MLLT3: variants seen among roughly 807,000 people sequenced by gnomAD.
MLLT3 encodes the protein protein AF-9.
MLLT3 carries 4 observed loss-of-function variants against 53.2 expected under a neutral mutation model. The observed-to-expected ratio is 0.08, with a 90% CI of 0.04 to 0.17. MLLT3 has a LOEUF of 0.17. Among genes scored for constraint, MLLT3 ranks in the 10% least tolerant of loss-of-function variants. The probability of loss-of-function intolerance (pLI) is 1.00; values close to 1 mark genes in which losing one functional copy is unlikely to be tolerated. For missense variants in MLLT3, 569 were observed against 684.0 expected, an observed-to-expected ratio of 0.83 and a Z score of 1.87; for synonymous variants, 283 against 230.6, an observed-to-expected ratio of 1.23 and a Z score of -2.06.
chr9:20,426,902 C>T (rs910010512), intron 4 of MLLT3, among the ~76,000 whole-genome samples: 2 of 152,108 alleles, frequency 1.3e-5, no homozygotes. Flanking sequence ...TAAGGACACA[C>T]GCATGACTGT....
In MLLT3 at chr9:20,347,748, T is replaced by C. The variant is rs142944923; in HGVS notation, c.1576-1174A>G. Among the ~76,000 whole-genome samples the C allele has an allele frequency of 7.0e-3, 1,066 of 152,318 alleles. 9 individuals are homozygous for C. The highest frequency in any genetic ancestry group is 0.024 in the African/African-American group (1,010 of 41,556). Reference sequence around the variant, plus strand: ...AGTAAACAGCTGACAAACTTCTACCTGATTTGAGTTGTCTGTTATTCTCTT... The same window carrying C: ...AGTAAACAGCTGACAAACTTCTACCCGATTTGAGTTGTCTGTTATTCTCTT... On this transcript the variant is annotated intron_variant, in intron 10 of 10. Transcript: ENST00000380338.
intron 2 of MLLT3, among the ~76,000 whole-genome samples, chr9:20,477,096 G>T (rs1024672200): frequency 1.3e-5 from 2 of 152,270 alleles, no homozygotes; most frequent in African/African-American, 4.8e-5. Flanking sequence ...CTGGGGCCCA[G>T]TGGGATGAAT....
chr9:20,546,168 A>T (rs1200530104), intron 2 of MLLT3, among the ~76,000 whole-genome samples: 1 of 152,250 alleles, frequency 6.6e-6, no homozygotes, highest in African/African-American at 2.4e-5. Context: ...ACAGGAACGT[A>T]GGAGTTTATC....
intron 4 of MLLT3, among the ~76,000 whole-genome samples, chr9:20,415,021 T>C (rs1368120658): frequency 4.6e-5 from 7 of 152,056 alleles, no homozygotes; most frequent in Non-Finnish European, 8.8e-5. Flanking sequence ...TAGAACAAGA[T>C]TGAGAAGGAG....
chr9:20,406,521 T>C (rs1586924894), intron 5 of MLLT3, among the ~76,000 whole-genome samples: 1 of 152,104 alleles, frequency 6.6e-6, no homozygotes, highest in South Asian at 2.1e-4. Flanking sequence ...CTTAAAAAAA[T>C]AGGAGTGTCA....
chr9:20,430,693 G>C (rs1360332172), intron 4 of MLLT3, among the ~76,000 whole-genome samples: 1 of 151,876 alleles, frequency 6.6e-6, no homozygotes, highest in Non-Finnish European at 1.5e-5. Context: ...TATGACCTTG[G>C]TATAGGAGAA....
intron 3 of MLLT3, among the ~76,000 whole-genome samples, chr9:20,453,111 G>A (rs140310860): frequency 6.6e-6 from 1 of 152,078 alleles, no homozygotes; most frequent in Admixed American, 6.5e-5. Flanking sequence ...TGGTTTCTAA[G>A]ACATCCTAAG....
At chr9:20,580,249 AG>A (rs2131173499) in intron 2 of MLLT3, among the ~76,000 whole-genome samples, 1 of 152,318 alleles carries the variant, frequency 6.6e-6, no homozygotes, top group South Asian at 2.1e-4. Flanking sequence ...CAAAACAGAA[AG>A]GTTAAATCCC....
intron 2 of MLLT3, among the ~76,000 whole-genome samples, chr9:20,470,019 C>T (rs1361235027): frequency 6.6e-6 from 1 of 151,824 alleles, no homozygotes; most frequent in Admixed American, 6.6e-5. Context: ...CTATTATAGT[C>T]TAATTTATTT....
At chr9:20,563,153 C>T (rs1819259638) in intron 2 of MLLT3, among the ~76,000 whole-genome samples, 1 of 152,082 alleles carries the variant, frequency 6.6e-6, no homozygotes, top group Admixed American at 6.6e-5. Context: ...AAAATTTATC[C>T]CTGAAGCTCT....
In MLLT3 at chr9:20,622,418, G is replaced by C. The variant is rs1411623064; in HGVS notation, c.-162C>G. On this transcript the variant is annotated 5_prime_UTR_variant, in exon 1 of 11. Coordinates refer to ENST00000380338, the MANE Select transcript of MLLT3 (RefSeq NM_004529.4). Reference sequence around the variant, plus strand: ...TGCCTTTTTCCCCCCGCGCTCGCTTGCTCGCTCGCTCGCTTATTAAACTCA... The same window carrying C: ...TGCCTTTTTCCCCCCGCGCTCGCTTCCTCGCTCGCTCGCTTATTAAACTCA... 1 of 616,286 alleles carries C rather than the reference G, an allele frequency of 1.6e-6. No individual in the cohort carries two copies. The allele number at this position is 616,286 out of a possible 1,614,324, so 38.2% of individuals were successfully genotyped here.
At chr9:20,374,439 G>C (rs1370345133) in intron 5 of MLLT3, among the ~76,000 whole-genome samples, 1 of 152,188 alleles carries the variant, frequency 6.6e-6, no homozygotes, top group Non-Finnish European at 1.5e-5. Flanking sequence ...CTTTCCATTA[G>C]ATGAGTGAAA....
chr9:20,518,108 G>C (rs1817961858), intron 2 of MLLT3, among the ~76,000 whole-genome samples: 1 of 152,184 alleles, frequency 6.6e-6, no homozygotes. Context: ...GGGAGGTGGA[G>C]GCAGAGGCAG....
At chr9:20,533,637 C>G (rs1489721390) in intron 2 of MLLT3, among the ~76,000 whole-genome samples, 1 of 152,094 alleles carries the variant, frequency 6.6e-6, no homozygotes, top group Non-Finnish European at 1.5e-5. Context: ...CTCACAATAG[C>G]CAAGATATGA....
At chr9:20,555,602 C>T (rs1819038156) in intron 2 of MLLT3, among the ~76,000 whole-genome samples, 1 of 152,186 alleles carries the variant, frequency 6.6e-6, no homozygotes, top group Non-Finnish European at 1.5e-5. Context: ...TCTCCATCTT[C>T]AACTTCCTTG....
intron 2 of MLLT3, among the ~76,000 whole-genome samples, chr9:20,509,802 T>A (rs993921129): frequency 6.6e-6 from 1 of 152,106 alleles, no homozygotes; most frequent in African/African-American, 2.4e-5. Context: ...TCCTGCCAAA[T>A]GATTAACTAA....
chr9:20,481,337 T>C (rs1430054451), intron 2 of MLLT3, among the ~76,000 whole-genome samples: 1 of 152,146 alleles, frequency 6.6e-6, no homozygotes, highest in Non-Finnish European at 1.5e-5. Flanking sequence ...GGAGCAAACA[T>C]TTTCCTATTT....
At chr9:20,347,767 T>C (rs1424907468) in intron 10 of MLLT3, among the ~76,000 whole-genome samples, 1 of 152,200 alleles carries the variant, frequency 6.6e-6, no homozygotes, top group Non-Finnish European at 1.5e-5. Context: ...TTGTCTGTTA[T>C]TCTCTTTCTA....
chr9:20,342,063 A>G lies in MLLT3; in HGVS notation c.*4380T>C, dbSNP rs1321092044. ...ATTGTCCTCTCTCTGGATGTCTCAG[A>G]TCTCCCCATCTATTCTTCTTTAGAA... On this transcript the variant is annotated 3_prime_UTR_variant, in exon 11 of 11. Coordinates refer to ENST00000380338, the MANE Select transcript of MLLT3 (RefSeq NM_004529.4). 1 of 211,164 alleles carries G rather than the reference A, an allele frequency of 4.7e-6. No homozygotes were observed. Among genetic ancestry groups the G allele is most frequent in the Non-Finnish European group, 9.6e-6 (1 of 104,242 alleles). The allele number at this position is 211,164 out of a possible 1,614,324, so 13.1% of individuals were successfully genotyped here.
Sources: allele counts gnomAD v4.1 joint callset (sites outside exome capture counted in the v4.1 genomes callset), GRCh38; gene constraint gnomAD v4.1.1; transcripts MANE v1.5; gene names NCBI Gene and HGNC (gene_info 2026-07-23, HGNC 2026-07-21).